PXK: variants seen among roughly 807,000 people sequenced by gnomAD.
PXK encodes PX domain-containing protein kinase-like protein.
Under a neutral mutation model 84.7 loss-of-function variants are expected in PXK, and 35 were observed. The observed-to-expected ratio is 0.41, with a 90% confidence interval of 0.32 to 0.55. The LOEUF (loss-of-function observed/expected upper bound fraction) is 0.55, where lower values mean the gene tolerates loss of function less well. Among genes scored for constraint, PXK ranks in the 20% least tolerant of loss-of-function variants. PXK has a pLI of 0.21. For missense variants in PXK, 634 were observed against 699.7 expected, an observed-to-expected ratio of 0.91 and a Z score of 1.06; for synonymous variants, 253 against 260.8, an observed-to-expected ratio of 0.97 and a Z score of 0.29.
At chr3:58,423,472 T>C (rs1203450675) in intron 17 of PXK, 3 of 1,532,136 alleles carry the variant, frequency 2.0e-6, no homozygotes, top group Non-Finnish European at 2.6e-6. Context: ...TGCCTTAGGT[T>C]TGAGTAAAAG....
intron 1 of PXK, among the ~76,000 whole-genome samples, chr3:58,350,805 A>G (rs2097908000): frequency 6.6e-6 from 1 of 152,158 alleles, no homozygotes; most frequent in Non-Finnish European, 1.5e-5. Flanking sequence ...TGGCATGTGT[A>G]CTGTGGTCAC....
At chr3:58,367,754 C>T (rs1165968811) in intron 2 of PXK, among the ~76,000 whole-genome samples, 1 of 152,162 alleles carries the variant, frequency 6.6e-6, no homozygotes, top group African/African-American at 2.4e-5. Flanking sequence ...GTGATCACAG[C>T]TCACTTCAGC....
At chr3:58,413,770 GA>G (rs1258338438) in intron 17 of PXK, 1 of 152,228 alleles carries the variant, frequency 6.6e-6, no homozygotes, top group Non-Finnish European at 1.5e-5. Context: ...GCTGTGCCTG[GA>G]AGGGTTCCTA....
At chr3:58,404,721 T>C (rs2059130543) in intron 13 of PXK, among the ~76,000 whole-genome samples, 1 of 152,156 alleles carries the variant, frequency 6.6e-6, no homozygotes, top group Admixed American at 6.6e-5. Context: ...GGTAGGAGGA[T>C]AAAAGGTAAT....
intron 1 of PXK, among the ~76,000 whole-genome samples, chr3:58,357,694 A>G (rs2098115231): frequency 6.6e-6 from 1 of 152,184 alleles, no homozygotes; most frequent in African/African-American, 2.4e-5. Context: ...CCTATATGTA[A>G]TCCTAGCACT....
rs565353653 is a variant in PXK at position 58,398,748 on chromosome 3, C to G, written c.1103-551C>G. On this transcript the variant is annotated intron_variant, in intron 11 of 17. Transcript: ENST00000356151. The surrounding 1 kb of genome is among the most constrained non-coding windows in gnomAD (Gnocchi z 4.5). ...ATACTCAAGTCCACCCTTCACCAAG[C>G]GTTATTGTGTCAAAAGAGGCAATTC... 6.6e-6 allele frequency among the ~76,000 whole-genome samples: 1 copy of G among 152,106 alleles called. No homozygotes were observed. Among genetic ancestry groups the G allele is most frequent in the Non-Finnish European group, 1.5e-5 (1 of 68,010 alleles).
Position 58,339,482 on chromosome 3 carries a change from G to A in PXK, c.102+6392G>A, listed in dbSNP as rs1389639591. ...TGACCTCAAGTGATCTGCCTGCCTC[G>A]GCCTTCCAAAGGGCTGGGATAACAG... is the stretch of plus-strand genomic sequence containing the variant. On this transcript the variant is annotated intron_variant, in intron 1 of 17. Coordinates refer to ENST00000356151, the MANE Select transcript of PXK (RefSeq NM_017771.5). Among the ~76,000 whole-genome samples the A allele has an allele frequency of 2.0e-5, 3 of 151,954 alleles. No individual in the cohort carries two copies. In the South Asian group the frequency reaches 6.3e-4, roughly 32 times the overall value.
intron 1 of PXK, among the ~76,000 whole-genome samples, chr3:58,340,583 A>G (rs1010206566): frequency 9.9e-5 from 15 of 152,120 alleles, no homozygotes; most frequent in African/African-American, 3.1e-4. Context: ...AAAATTAGCC[A>G]GGCGTGGTGG....
In PXK at chr3:58,352,445, T is replaced by C. The variant is rs116205160; in HGVS notation, c.103-13429T>C. Among the ~76,000 whole-genome samples the C allele has an allele frequency of 4.7e-3, 714 of 152,332 alleles. 2 individuals carry two copies. Among genetic ancestry groups the C allele is most frequent in the African/African-American group, 0.017 (691 of 41,576 alleles). ...TCTAGCCTACTAAACATGTAGTGGG[T>C]AGTTCTCTGAGATCATGTTCACTTC... is the stretch of plus-strand genomic sequence containing the variant. On this transcript the variant is annotated intron_variant, in intron 1 of 17. Transcript: ENST00000356151.
intron 7 of PXK, 27 bp from the exon 8 acceptor site, chr3:58,394,971 A>G (rs998350502): frequency 5.2e-6 from 8 of 1,541,720 alleles, no homozygotes; most frequent in Non-Finnish European, 7.2e-6. Flanking sequence ...ACGCAAATCA[A>G]TGTGAATTTC....
At chr3:58,346,178 A>G (rs2097813649) in intron 1 of PXK, among the ~76,000 whole-genome samples, 1 of 152,176 alleles carries the variant, frequency 6.6e-6, no homozygotes, top group Non-Finnish European at 1.5e-5. Context: ...GTTAGAGCCA[A>G]TTGTGGGGCC....
Position 58,421,402 on chromosome 3 carries a change from G to A in PXK, c.1529-3350G>A, listed in dbSNP as rs2061827975. The A allele has an allele frequency of 1.2e-6, 1 of 865,792 alleles. No individual in the cohort carries two copies. The highest frequency in any genetic ancestry group is 1.4e-6 in the Non-Finnish European group (1 of 721,158). 53.6% of individuals were successfully genotyped at this position (865,792 alleles called of 1,614,324 possible). ...TCAAGACCAACCTGGCCAACATGGT[G>A]AAACCCCATCTGTACTAAAAATACA... On this transcript the variant is annotated intron_variant, in intron 17 of 17. Transcript: ENST00000356151. The surrounding 1 kb of genome is among the most constrained non-coding windows in gnomAD (Gnocchi z 5.5).
intron 3 of PXK, among the ~76,000 whole-genome samples, chr3:58,373,233 C>T (rs2098402367): frequency 6.6e-6 from 1 of 152,116 alleles, no homozygotes; most frequent in African/African-American, 2.4e-5. Flanking sequence ...CGCCCGCCAC[C>T]ATGCCCGGCT....
chr3:58,403,110 A>G (rs113128291), intron 12 of PXK, among the ~76,000 whole-genome samples: 15,128 of 151,314 alleles, frequency 0.1, 986 homozygotes, highest in African/African-American at 0.17. Context: ...GTTCCAGGGA[A>G]TCTCCTGCCT....
At position 58,392,771 on chromosome 3, in the gene PXK, C is replaced by T. The variant is rs370908040; in HGVS notation, c.615+924C>T. ...CCACCTCCTGGGTTCAGGCGATTCT[C>T]CTGCCTCAGCCTCCCAAGTAGCTGG... On this transcript the variant is annotated intron_variant, in intron 7 of 17. Transcript: ENST00000356151. 2.8e-4 allele frequency among the ~76,000 whole-genome samples: 42 copies of T among 151,874 alleles called. No homozygotes were observed. The East Asian group carries it at 6.1e-3, about 22-fold the overall frequency.
intron 1 of PXK, among the ~76,000 whole-genome samples, chr3:58,343,631 G>A (rs1293127618): frequency 1.3e-5 from 2 of 152,210 alleles, no homozygotes; most frequent in Admixed American, 6.5e-5. Flanking sequence ...GGTAAGGGGC[G>A]CAGGCAGCTT....
chr3:58,333,370 T>G lies in PXK; in HGVS notation c.102+280T>G, dbSNP rs1421103859. The G allele has an allele frequency of 2.1e-5, 6 of 281,680 alleles. No individual in the cohort carries two copies. The highest frequency in any genetic ancestry group is 4.3e-5 in the Non-Finnish European group (6 of 139,814). 17.4% of individuals were successfully genotyped at this position (281,680 alleles called of 1,614,324 possible). A position where few individuals can be genotyped will look rare whatever the true frequency, so the allele number is the denominator to read the frequency against. ...GGCGACCAGGAAAGCGACTCCGAGT[T>G]GGGGGGCGGGGGCGGGGGCTGCGGG... On this transcript the variant is annotated intron_variant, in intron 1 of 17. Coordinates refer to ENST00000356151, the MANE Select transcript of PXK (RefSeq NM_017771.5). The surrounding 1 kb of genome is among the most constrained non-coding windows in gnomAD (Gnocchi z 5.4).
chr3:58,339,351 T>C (rs1452294058), intron 1 of PXK, among the ~76,000 whole-genome samples: 2 of 151,552 alleles, frequency 1.3e-5, no homozygotes, highest in African/African-American at 4.9e-5. Flanking sequence ...TTGCCTTGCC[T>C]CTCGAGTAGC....
chr3:58,353,221 T>A (rs1244267794), intron 1 of PXK, among the ~76,000 whole-genome samples: 1 of 152,050 alleles, frequency 6.6e-6, no homozygotes, highest in Non-Finnish European at 1.5e-5. Flanking sequence ...ATGGTCTTGA[T>A]CTCCTGACCT....
Sources: allele counts gnomAD v4.1 joint callset (sites outside exome capture counted in the v4.1 genomes callset), GRCh38; gene constraint gnomAD v4.1.1; non-coding constraint Gnocchi (gnomAD v3.1); transcripts MANE v1.5; gene names NCBI Gene and HGNC (gene_info 2026-07-23, HGNC 2026-07-21).